The following DNAAF4 variants were observed in gnomAD, a reference collection of about 807,000 sequenced individuals.
DNAAF4 encodes the protein dynein axonemal assembly factor 4, also known as dynein assembly factor 4, axonemal.
DNAAF4 carries 43 observed loss-of-function variants against 51.8 expected under a neutral mutation model. The ratio of observed to expected loss-of-function variants is 0.83; its 90% CI spans 0.65 to 1.07. DNAAF4 has a LOEUF of 1.07. Among genes scored for constraint, DNAAF4 ranks in the 50% least tolerant of loss-of-function variants. The pLI is 0.00. For synonymous variants in DNAAF4, 194 were observed against 165.6 expected (o/e 1.17, Z -1.32); for missense variants, 581 against 493.0 (o/e 1.18, Z -1.69).
intron 6 of DNAAF4, among the ~76,000 whole-genome samples, chr15:55,444,999 C>A (rs1344205516): frequency 4.9e-5 from 7 of 143,458 alleles, no homozygotes; most frequent in East Asian, 2.1e-4. Flanking sequence ...CAAACAGGGA[C>A]AATTTGACTT....
intron 4 of DNAAF4, among the ~76,000 whole-genome samples, chr15:55,489,678 A>AAC (rs2058543075): frequency 6.6e-6 from 1 of 150,854 alleles, no homozygotes; most frequent in African/African-American, 2.4e-5. Flanking sequence ...CCATTTCAAA[A>AAC]AAAAAAAAAA....
chr15:55,489,158 G>A (rs2058534450), intron 4 of DNAAF4, among the ~76,000 whole-genome samples: 1 of 151,384 alleles, frequency 6.6e-6, no homozygotes, highest in African/African-American at 2.4e-5. Flanking sequence ...CAACTGTTCT[G>A]TTTTGACATA....
rs767737350 is a variant in DNAAF4, at chr15:55,439,453, C to T, written c.893+19G>A. 1 of 1,585,152 alleles carries T rather than the reference C, an allele frequency of 6.3e-7. No homozygotes were observed. Among genetic ancestry groups the T allele is most frequent in the Non-Finnish European group, 8.7e-7 (1 of 1,154,506 alleles). Reference sequence around the variant, plus strand: ...CTTCATACATGATAAAGCTCATGATCAGAGTTCAAACAACTTACTTTCCTT... The same window carrying T: ...CTTCATACATGATAAAGCTCATGATTAGAGTTCAAACAACTTACTTTCCTT... On this transcript the variant is annotated intron_variant, in intron 7 of 9. Transcript: ENST00000321149.
At chr15:55,443,950 G>A (rs1181385054) in intron 6 of DNAAF4, among the ~76,000 whole-genome samples, 1 of 151,926 alleles carries the variant, frequency 6.6e-6, no homozygotes, top group Non-Finnish European at 1.5e-5. Flanking sequence ...TTAGCCCTTC[G>A]TCAGATGAGT....
At chr15:55,499,928 C>A (rs1170526214) in intron 1 of DNAAF4, among the ~76,000 whole-genome samples, 1 of 152,118 alleles carries the variant, frequency 6.6e-6, no homozygotes, top group Non-Finnish European at 1.5e-5. Flanking sequence ...TGTTTTTGCT[C>A]CAGGCTGCTT....
chr15:55,421,353 C>CTTA (rs1394539773), intron 7 of DNAAF4, among the ~76,000 whole-genome samples: 1 of 150,604 alleles, frequency 6.6e-6, no homozygotes, highest in Non-Finnish European at 1.5e-5. Context: ...ATACAAAATG[C>CTTA]TTAGCCAGGC....
chr15:55,506,429 G>T (rs2058727559), intron 1 of DNAAF4, among the ~76,000 whole-genome samples: 1 of 152,094 alleles, frequency 6.6e-6, no homozygotes, highest in Non-Finnish European at 1.5e-5. Context: ...TTATAGGCTG[G>T]ATCATTTTGT....
intron 6 of DNAAF4, among the ~76,000 whole-genome samples, chr15:55,447,152 C>T (rs1416009108): frequency 7.1e-6 from 1 of 141,380 alleles, no homozygotes; most frequent in Non-Finnish European, 1.5e-5. Flanking sequence ...GGTGGCCAGG[C>T]AGAGGCGCTC....
At chr15:55,450,995 G>T (rs2057923763) in intron 5 of DNAAF4, among the ~76,000 whole-genome samples, 1 of 152,190 alleles carries the variant, frequency 6.6e-6, no homozygotes, top group Admixed American at 6.5e-5. Context: ...TACTTGGGAG[G>T]CTAAGACAGG....
chr15:55,482,011 C>T (rs575406225), intron 4 of DNAAF4, among the ~76,000 whole-genome samples: 8 of 152,330 alleles, frequency 5.3e-5, no homozygotes, highest in African/African-American at 1.9e-4. Flanking sequence ...TAGTACAAAC[C>T]TGAAAGAACA....
chr15:55,497,159 T>G (rs1726778320), intron 3 of DNAAF4, among the ~76,000 whole-genome samples: 1 of 152,164 alleles, frequency 6.6e-6, no homozygotes, highest in African/African-American at 2.4e-5. Context: ...ATCTCACCGC[T>G]TGGGGGGTAT....
intron 4 of DNAAF4, among the ~76,000 whole-genome samples, chr15:55,487,208 C>T (rs555420590): frequency 1.9e-4 from 29 of 151,970 alleles, no homozygotes; most frequent in African/African-American, 6.3e-4. Flanking sequence ...CACCAATCAG[C>T]GCTCTGTGTC....
rs1447861966 is a variant in DNAAF4, at chr15:55,444,067, T to C, written c.784-4486A>G. On this transcript the variant is annotated intron_variant, in intron 6 of 9. Transcript: ENST00000321149. ...GTTTAATTAGATCCCATTTGTCAAT[T>C]TTGGCTTTTGTTGCCATTGCTTTTG... Among the ~76,000 whole-genome samples the C allele has an allele frequency of 2.0e-5, 3 of 152,198 alleles. No homozygotes were observed. In the East Asian group the frequency reaches 5.8e-4, roughly 29 times the overall value.
chr15:55,470,838 G>A (rs1198837328), intron 4 of DNAAF4, among the ~76,000 whole-genome samples: 1 of 137,094 alleles, frequency 7.3e-6, no homozygotes, highest in Non-Finnish European at 1.5e-5. Context: ...GAGCTACTAT[G>A]CCTGGCGGAT....
rs147008874 is a variant in DNAAF4 at position 55,482,614 on chromosome 15, G to C, written c.405+8509C>G. Among the ~76,000 whole-genome samples, 1,201 of 152,226 alleles carry C rather than the reference G, an allele frequency of 7.9e-3. 13 individuals carry two copies. Among genetic ancestry groups the C allele is most frequent in the African/African-American group, 0.027 (1,130 of 41,540 alleles). On this transcript the variant is annotated intron_variant, in intron 4 of 9. Transcript: ENST00000321149. The stretch of plus-strand genomic sequence containing the variant: ...GAATCACTTGAACCCAGGAAGGAGA[G>C]GTTGCAGTGAGCTGAGATCATGCCA...
At chr15:55,482,241 T>C (rs960856669) in intron 4 of DNAAF4, among the ~76,000 whole-genome samples, 13 of 122,336 alleles carry the variant, frequency 1.1e-4, no homozygotes, top group African/African-American at 3.1e-4. Flanking sequence ...GTAAAAAAAT[T>C]AGAATCATCA....
At chr15:55,433,811 TAATA>T (rs1567000162) in intron 8 of DNAAF4, among the ~76,000 whole-genome samples, 2 of 88,758 alleles carry the variant, frequency 2.3e-5, no homozygotes, top group African/African-American at 8.5e-5. Context: ...TTTATATATA[TAATA>T]TATATTATAT....
chr15:55,483,133 G>C (rs1222551966), intron 4 of DNAAF4, among the ~76,000 whole-genome samples: 3 of 152,038 alleles, frequency 2.0e-5, no homozygotes, highest in African/African-American at 7.2e-5. Flanking sequence ...GTTTTGCTCT[G>C]TCGCTTAGGC....
intron 4 of DNAAF4, among the ~76,000 whole-genome samples, chr15:55,488,487 G>C (rs572305808): frequency 1.3e-5 from 2 of 152,262 alleles, no homozygotes; most frequent in East Asian, 3.9e-4. Flanking sequence ...AGTGAAAATA[G>C]CTTCAGCTAA....
Sources: gnomAD v4.1 joint callset for allele counts (sites outside exome capture counted in the v4.1 genomes callset) on GRCh38, gnomAD v4.1.1 for gene constraint, MANE v1.5 for transcripts, NCBI Gene and HGNC (gene_info 2026-07-23, HGNC 2026-07-21) for gene names.